MED13L: variants seen among roughly 807,000 people sequenced by gnomAD.
MED13L encodes the protein mediator complex subunit 13L.
MED13L carries 7 observed loss-of-function variants against 220.9 expected under a neutral mutation model. The ratio of observed to expected loss-of-function variants is 0.03; its 90% CI spans 0.02 to 0.06. The LOEUF (loss-of-function observed/expected upper bound fraction) is 0.06, where lower values mean the gene tolerates loss of function less well. MED13L is among the 10% of genes least tolerant of loss of function. The pLI is 1.00. For synonymous variants in MED13L, 1,011 were observed against 1,015.2 expected, an observed-to-expected ratio of 1.00 and a Z score of 0.08; for missense variants, 1,965 against 2,760.5, an observed-to-expected ratio of 0.71 and a Z score of 6.46.
chr12:116,041,845 G>A (rs571158814), intron 4 of MED13L, among the ~76,000 whole-genome samples: 50 of 152,104 alleles, frequency 3.3e-4, no homozygotes, highest in South Asian at 8.3e-4. Context: ...AAAACAGACA[G>A]ACAAACAAAC....
At chr12:116,153,202 G>T in intron 2 of MED13L, among the ~76,000 whole-genome samples, 1 of 152,276 alleles carries the variant, frequency 6.6e-6, no homozygotes, top group East Asian at 1.9e-4. Flanking sequence ...CTGGAAGGTG[G>T]AATGACCTGG....
At chr12:116,161,119 C>T (rs1056652217) in intron 2 of MED13L, among the ~76,000 whole-genome samples, 3 of 152,118 alleles carry the variant, frequency 2.0e-5, no homozygotes, top group Non-Finnish European at 4.4e-5. Flanking sequence ...TCCTTTATAA[C>T]TAACCCACTC....
chr12:116,075,009 C>G (rs1432742857), intron 4 of MED13L, among the ~76,000 whole-genome samples: 2 of 152,260 alleles, frequency 1.3e-5, no homozygotes, highest in East Asian at 3.8e-4. Context: ...GAAGGCTCTA[C>G]AGTGTCTGGT....
chr12:116,107,744 A>G (rs900623614), intron 3 of MED13L, among the ~76,000 whole-genome samples: 12 of 152,262 alleles, frequency 7.9e-5, no homozygotes, highest in African/African-American at 2.9e-4. Flanking sequence ...AAAAATGGCT[A>G]GGGAGAGACA....
intron 2 of MED13L, among the ~76,000 whole-genome samples, chr12:116,214,226 A>T (rs1027595303): frequency 6.6e-6 from 1 of 152,216 alleles, no homozygotes; most frequent in African/African-American, 2.4e-5. Flanking sequence ...TCACTTTTTC[A>T]TCGACAACTT....
intron 2 of MED13L, among the ~76,000 whole-genome samples, chr12:116,187,242 C>A (rs937687629): frequency 6.6e-6 from 1 of 152,172 alleles, no homozygotes; most frequent in African/African-American, 2.4e-5. Flanking sequence ...GGAGCCAGAG[C>A]CCCTCCTCTC....
chr12:116,265,944 TG>T (rs1872798855), intron 1 of MED13L, among the ~76,000 whole-genome samples: 1 of 152,208 alleles, frequency 6.6e-6, no homozygotes, highest in African/African-American at 2.4e-5. Flanking sequence ...CAGGTTTCTC[TG>T]GCTACAAAGT....
At chr12:116,138,884 A>G (rs1876812677) in intron 2 of MED13L, among the ~76,000 whole-genome samples, 1 of 152,206 alleles carries the variant, frequency 6.6e-6, no homozygotes, top group Non-Finnish European at 1.5e-5. Flanking sequence ...GATGAAAGGG[A>G]AGAAAAAAGT....
intron 22 of MED13L, 60 bp downstream of exon 22, chr12:115,982,324 A>G: frequency 6.6e-7 from 1 of 1,526,086 alleles, no homozygotes; most frequent in Non-Finnish European, 9.1e-7. Flanking sequence ...GCCTGTATTT[A>G]TTTTCATAAC....
At chr12:116,002,732 C>T (rs1056389838) in intron 14 of MED13L, among the ~76,000 whole-genome samples, 2 of 152,094 alleles carry the variant, frequency 1.3e-5, no homozygotes, top group African/African-American at 4.8e-5. Flanking sequence ...GAAAAACAAA[C>T]CTAAAACATG....
chr12:116,231,486 C>T (rs930981864), intron 2 of MED13L, among the ~76,000 whole-genome samples: 3 of 152,166 alleles, frequency 2.0e-5, no homozygotes, highest in African/African-American at 7.2e-5. Flanking sequence ...CAAATAACAT[C>T]AATATCATTG....
chr12:116,277,110 C>A lies in MED13L; in HGVS notation c.22G>T (p.Val8Leu). 1.3e-6 allele frequency: 2 copies of A among 1,588,744 alleles called. No homozygotes were observed. The highest frequency in any genetic ancestry group is 1.1e-5 in the South Asian group (1 of 87,542). Residue 8 changes from valine (V) to leucine (L), a missense_variant, in exon 1 of 31, where the codon GTG becomes TTG. This residue lies in a region of MED13L where 818 missense variants were observed against 1,041.2 expected (regional missense o/e 0.79). Transcript: ENST00000281928. MTAAANW[V>L]ANGASLEDCH... ...TCCTCCAGGCTCGCCCCGTTCGCCA[C>A]CCAGTTCGCTGCCGCAGTCATGATC... is the stretch of plus-strand genomic sequence containing the variant.
At chr12:116,119,832 AAAAAAAAT>A (rs1436259712) in intron 2 of MED13L, among the ~76,000 whole-genome samples, 9 of 113,600 alleles carry the variant, frequency 7.9e-5, no homozygotes, top group South Asian at 2.8e-4. Context: ...AAAAAAAAAA[AAAAAAAAT>A]ATATATATAT....
intron 4 of MED13L, among the ~76,000 whole-genome samples, chr12:116,027,895 A>G (rs575560049): frequency 1.3e-5 from 2 of 152,348 alleles, no homozygotes; most frequent in East Asian, 3.9e-4. Context: ...TAAAGAGAAT[A>G]ATCAAAAAGA....
chr12:116,008,283 C>T, intron 10 of MED13L, 118 bp downstream of exon 10: 2 of 1,381,686 alleles, frequency 1.4e-6, no homozygotes, highest in South Asian at 1.5e-5. Flanking sequence ...TATCCGGAGT[C>T]AAGAAGGACA....
At chr12:116,080,811 T>G (rs1871188682) in intron 4 of MED13L, among the ~76,000 whole-genome samples, 1 of 152,196 alleles carries the variant, frequency 6.6e-6, no homozygotes. Context: ...AAGAATAAAT[T>G]TTATTGTTTC....
intron 4 of MED13L, among the ~76,000 whole-genome samples, chr12:116,026,770 C>A (rs1047283277): frequency 6.6e-6 from 1 of 152,166 alleles, no homozygotes; most frequent in South Asian, 2.1e-4. Flanking sequence ...GACCTAGCAA[C>A]AGCACTTCTA....
intron 1 of MED13L, 94 bp downstream of exon 1, chr12:116,276,966 C>T: frequency 7.3e-7 from 1 of 1,372,278 alleles, no homozygotes; most frequent in Non-Finnish European, 1.0e-6. Flanking sequence ...GGGGCGAAGT[C>T]CCGGCGGCGG....
intron 2 of MED13L, among the ~76,000 whole-genome samples, chr12:116,179,701 T>A (rs1880373926): frequency 1.3e-5 from 2 of 149,798 alleles, no homozygotes; most frequent in South Asian, 4.3e-4. Context: ...TTTTTTTTTT[T>A]AAAGGTTACA....
Sources: allele counts gnomAD v4.1 joint callset (sites outside exome capture counted in the v4.1 genomes callset), GRCh38; gene constraint gnomAD v4.1.1; regional missense constraint gnomAD v4.1.1; transcripts MANE v1.5; gene names NCBI Gene and HGNC (gene_info 2026-07-23, HGNC 2026-07-21).